Variants in GAS7 observed in about 807,000 individuals in gnomAD.
The protein encoded by GAS7 is growth arrest-specific protein 7.
Under a neutral mutation model 71.1 loss-of-function variants are expected in GAS7, and 28 were observed. That is an observed-to-expected ratio of 0.39 (90% CI 0.29 to 0.54). The LOEUF (loss-of-function observed/expected upper bound fraction) is 0.54, where lower values mean the gene tolerates loss of function less well. Among genes scored for constraint, GAS7 ranks in the 20% least tolerant of loss-of-function variants. The pLI is 0.62. For synonymous variants in GAS7, 258 were observed against 245.8 expected, an observed-to-expected ratio of 1.05 and a Z score of -0.46; for missense variants, 436 against 627.8, an observed-to-expected ratio of 0.69 and a Z score of 3.27.
At chr17:9,931,731 C>A (rs146924063) in intron 9 of GAS7, among the ~76,000 whole-genome samples, 3 of 152,196 alleles carry the variant, frequency 2.0e-5, no homozygotes, top group Non-Finnish European at 2.9e-5. Flanking sequence ...AGTTAGCATG[C>A]CTTCACTGGC....
intron 2 of GAS7, among the ~76,000 whole-genome samples, chr17:10,001,737 G>A (rs2071275474): frequency 6.6e-6 from 1 of 152,192 alleles, no homozygotes; most frequent in Non-Finnish European, 1.5e-5. Flanking sequence ...GTTCAGAGCA[G>A]CCAAGAGAAG....
intron 5 of GAS7, among the ~76,000 whole-genome samples, chr17:9,954,935 G>A (rs931038432): frequency 1.3e-5 from 2 of 152,160 alleles, no homozygotes; most frequent in Admixed American, 6.5e-5. Context: ...AGGTGTGTGC[G>A]CGCAGATGTC....
intron 2 of GAS7, among the ~76,000 whole-genome samples, chr17:9,996,021 T>C (rs1019712847): frequency 6.6e-6 from 1 of 152,190 alleles, no homozygotes; most frequent in Non-Finnish European, 1.5e-5. Context: ...GCAAGGCAAA[T>C]GTGCCGAAAG....
intron 2 of GAS7, among the ~76,000 whole-genome samples, chr17:9,994,177 C>A (rs1329306349): frequency 2.7e-5 from 4 of 150,722 alleles, no homozygotes; most frequent in Non-Finnish European, 5.9e-5. Flanking sequence ...TTGGAAAAAA[C>A]TACTTTAAAG....
At chr17:10,010,062 T>C (rs994694425) in intron 2 of GAS7, among the ~76,000 whole-genome samples, 4 of 152,192 alleles carry the variant, frequency 2.6e-5, no homozygotes, top group Non-Finnish European at 5.9e-5. Flanking sequence ...GCTTGGCTTA[T>C]AAATGACCAG....
Position 9,943,057 on chromosome 17 carries a change from C to T in GAS7, c.731+64G>A, listed in dbSNP as rs557868728. The T allele has an allele frequency of 4.5e-4, 476 of 1,064,898 alleles. 1 individual carries two copies. The East Asian group carries it at 7.2e-3, about 16-fold the overall frequency. 66.0% of individuals were successfully genotyped at this position (1,064,898 alleles called of 1,614,324 possible). A position where few individuals can be genotyped will look rare whatever the true frequency, so the allele number is the denominator to read the frequency against. On this transcript the variant is annotated intron_variant, in intron 7 of 13. Coordinates refer to ENST00000432992, the MANE Select transcript of GAS7 (RefSeq NM_201433.2). ...TGAGTCCTGTGCTGTCGCCCCGCCC[C>T]GGCCACGGGGCCCCGGGGAACACTG...
chr17:9,988,812 G>A (rs1053701582), intron 2 of GAS7, among the ~76,000 whole-genome samples: 7 of 151,654 alleles, frequency 4.6e-5, no homozygotes, highest in Non-Finnish European at 7.4e-5. Context: ...CCCCTTCAGC[G>A]GTCACAAAAC....
chr17:10,041,411 C>G (rs139910179), intron 1 of GAS7, among the ~76,000 whole-genome samples: 2 of 152,280 alleles, frequency 1.3e-5, no homozygotes, highest in African/African-American at 4.8e-5. Flanking sequence ...GACAACAATG[C>G]ATCACTCCAG....
At chr17:10,071,330 A>G (rs956122938) in intron 1 of GAS7, among the ~76,000 whole-genome samples, 2 of 152,188 alleles carry the variant, frequency 1.3e-5, no homozygotes, top group Admixed American at 6.5e-5. Context: ...GAAGATGCGA[A>G]TCACCCTGGG....
At chr17:10,141,986 T>TG (rs11450280) in intron 1 of GAS7, among the ~76,000 whole-genome samples, 131,551 of 151,112 alleles carry the variant, frequency 0.87, 57,124 homozygotes, top group Middle Eastern at 0.89. Flanking sequence ...CCCAGCACTT[T>TG]GGGGGGCCGA....
intron 1 of GAS7, among the ~76,000 whole-genome samples, chr17:10,185,378 T>C (rs2074444617): frequency 6.6e-6 from 1 of 152,116 alleles, no homozygotes; most frequent in African/African-American, 2.4e-5. Flanking sequence ...CTATGATCAC[T>C]AGAGCATGCA....
intron 1 of GAS7, among the ~76,000 whole-genome samples, chr17:10,110,053 CAAA>C (rs956917519): frequency 8.2e-5 from 6 of 73,512 alleles, no homozygotes; most frequent in East Asian, 3.4e-4. Flanking sequence ...GGCTCCGTCT[CAAA>C]AAAAAAAAAA....
Position 9,917,301 on chromosome 17 carries a change from G to A in GAS7, c.1358C>T (p.Pro453Leu). ...PVDQLLRKVD[P>L]AKDRELWVRE... is the part of the protein sequence containing the mutation. ...GACCCACAGCTCCCTGTCTTTGGCCGGGTCCACTTTTCGAAGCAGCTGATC... is the reference window on the plus strand; with the variant it reads ...GACCCACAGCTCCCTGTCTTTGGCCAGGTCCACTTTTCGAAGCAGCTGATC... Residue 453 changes from proline (P) to leucine (L), a missense_variant, in exon 14 of 14, where the codon CCG (proline) becomes CTG (leucine). Transcript: ENST00000432992. 1.2e-6 allele frequency: 2 copies of A among 1,614,064 alleles called. No individual in the cohort carries two copies. Among genetic ancestry groups the A allele is most frequent in the Non-Finnish European group, 1.7e-6 (2 of 1,179,898 alleles).
Position 9,974,794 on chromosome 17 carries a change from C to T in GAS7, c.386-5032G>A, listed in dbSNP as rs2070118324. Among the ~76,000 whole-genome samples the T allele has an allele frequency of 6.6e-6, 1 of 152,028 alleles. No individual in the cohort carries two copies. Among genetic ancestry groups the T allele is most frequent in the African/African-American group, 2.4e-5 (1 of 41,396 alleles). On this transcript the variant is annotated intron_variant, in intron 3 of 13. Transcript: ENST00000432992. The surrounding 1 kb of genome is among the most constrained non-coding windows in gnomAD (Gnocchi z 4.0). The stretch of plus-strand genomic sequence containing the variant: ...AAGAAAGGCGAATATGAAAAGTTAT[C>T]GAGAAAGGCCAAGCAACAAAGAAGC...
At chr17:10,110,053 CAAAAAA>C (rs956917519) in intron 1 of GAS7, among the ~76,000 whole-genome samples, 1 of 73,520 alleles carries the variant, frequency 1.4e-5, no homozygotes, top group Admixed American at 1.5e-4. Flanking sequence ...GGCTCCGTCT[CAAAAAA>C]AAAAAAAAAA....
At chr17:10,177,915 G>A (rs890898923) in intron 1 of GAS7, among the ~76,000 whole-genome samples, 1 of 152,008 alleles carries the variant, frequency 6.6e-6, no homozygotes, top group Admixed American at 6.5e-5. Context: ...ACCTCAACAC[G>A]CAATTCAGAA....
rs183864759 is a variant in GAS7, at chr17:10,183,775, G to A, written c.183+14433C>T. 1.4e-3 allele frequency among the ~76,000 whole-genome samples: 212 copies of A among 152,192 alleles called. 1 individual carries two copies. Among genetic ancestry groups the A allele is most frequent in the Middle Eastern group, 0.01 (3 of 292 alleles). On this transcript the variant is annotated intron_variant, in intron 1 of 13. Coordinates refer to ENST00000432992, the MANE Select transcript of GAS7 (RefSeq NM_201433.2). ...GAGAATGGCGTGAACCCAGGAGGCGGAGCTTGCAGTGAGCTGAGATAGCGC... is the reference window on the plus strand; with the variant it reads ...GAGAATGGCGTGAACCCAGGAGGCGAAGCTTGCAGTGAGCTGAGATAGCGC...
In GAS7 at chr17:9,920,182, AGT is replaced by A. The variant is rs59320661; in HGVS notation, c.1139-479_1139-478del. 3.8e-3 allele frequency among the ~76,000 whole-genome samples: 532 copies of A among 140,982 alleles called. 3 individuals carry two copies. The highest frequency in any genetic ancestry group is 6.4e-3 in the Non-Finnish European group (401 of 63,120). 92.5% of individuals were successfully genotyped at this position (140,982 alleles called of 152,430 possible). A position where few individuals can be genotyped will look rare whatever the true frequency, so the allele number is the denominator to read the frequency against. On this transcript the variant is annotated intron_variant, in intron 11 of 13. Transcript: ENST00000432992. ...GGAAGATAAATTTGCAGATCATGTA[AGT>A]GTGTGTGTGTGTGTGTGTGCATGAA...
At chr17:10,010,127 A>C (rs1034240092) in intron 2 of GAS7, among the ~76,000 whole-genome samples, 3 of 151,968 alleles carry the variant, frequency 2.0e-5, no homozygotes, top group African/African-American at 7.2e-5. Flanking sequence ...ATATATGTAA[A>C]ACAAACAGGT....
Sources: allele counts gnomAD v4.1 joint callset (sites outside exome capture counted in the v4.1 genomes callset), GRCh38; gene constraint gnomAD v4.1.1; non-coding constraint Gnocchi (gnomAD v3.1); transcripts MANE v1.5; gene names NCBI Gene and HGNC (gene_info 2026-07-23, HGNC 2026-07-21).